PRAMEF11: variants seen among roughly 807,000 people sequenced by gnomAD.
PRAMEF11 encodes the protein PRAME family member 11.
In PRAMEF11, 17 loss-of-function variants were observed where a neutral mutation model predicts 33.6. The ratio of observed to expected loss-of-function variants is 0.51; its 90% CI spans 0.35 to 0.76. The LOEUF (loss-of-function observed/expected upper bound fraction) is 0.76. Ranked by LOEUF, PRAMEF11 falls within the 30% of genes least tolerant of loss-of-function variation. PRAMEF11 has a pLI of 0.01. For synonymous variants in PRAMEF11, 205 were observed against 227.3 expected (o/e 0.90, Z 0.88); for missense variants, 568 against 567.0 (o/e 1.00, Z -0.02).
intron 1 of PRAMEF11, among the ~76,000 whole-genome samples, chr1:12,830,862 G>A (rs1406834652): frequency 1.3e-5 from 2 of 150,546 alleles, no homozygotes; most frequent in Non-Finnish European, 3.0e-5. Context: ...GGTTTCAGAT[G>A]TCTGTGACAC....
At chr1:12,829,700 G>T (rs986838867) in intron 1 of PRAMEF11, among the ~76,000 whole-genome samples, 1 of 151,248 alleles carries the variant, frequency 6.6e-6, no homozygotes, top group Non-Finnish European at 1.5e-5. Flanking sequence ...GTGAGCCTCC[G>T]CCCCAGCCTC....
At position 12,827,267 on chromosome 1, in the gene PRAMEF11, T is replaced by C. The variant is rs768125376; in HGVS notation, c.857A>G (p.His286Arg). 6.3e-6 allele frequency: 10 copies of C among 1,597,728 alleles called. No homozygotes were observed. The South Asian group carries it at 9.9e-5, about 16-fold the overall frequency. ...YMNSVSFLEG[H>R]LDQLLSCLKT... ...CCCTCACCTGAGCAGCTGGTCCAGG[T>C]GGCCTTCGAGGAAAGAAACAGAGTT... is the stretch of plus-strand genomic sequence containing the variant. The change falls in exon 3 of 4, where the codon CAC becomes CGC. Residue 286 changes from histidine (H) to arginine (R), a missense_variant. By Grantham distance (29) the His-to-Arg change is conservative. This residue lies in a region of PRAMEF11 where 52 missense variants were observed against 127.8 expected (regional missense o/e 0.41). Coordinates refer to ENST00000619922, the MANE Select transcript of PRAMEF11 (RefSeq NM_001146344.3).
intron 1 of PRAMEF11, among the ~76,000 whole-genome samples, chr1:12,829,763 A>T (rs1736820): frequency 1.3e-5 from 2 of 150,312 alleles, no homozygotes; most frequent in East Asian, 4.0e-4. Context: ...GTCCAAGCTA[A>T]TAGGGAGGCT....
Position 12,828,761 on chromosome 1 carries a change from C to G in PRAMEF11, c.29G>C (p.Arg10Thr). The G allele has an allele frequency of 6.2e-7, 1 of 1,609,916 alleles. No individual in the cohort carries two copies. The highest frequency in any genetic ancestry group is 8.5e-7 in the Non-Finnish European group (1 of 1,178,058). ...GCTCCGCCCCGCAAGCTCCAGGAGT[C>G]TGGGTGGAATCCGGATGCTCATCTT... MKMSIRIPP[R>T]LLELAGRSLL... Residue 10 changes from arginine (R) to threonine (T), a missense_variant, in exon 2 of 4, where the codon AGA (arginine) becomes ACA (threonine). Arg to Thr is a moderately conservative substitution (Grantham distance 71). Transcript: ENST00000619922.
In PRAMEF11 at chr1:12,828,642, G is replaced by A. The variant is rs770702081; in HGVS notation, c.148C>T (p.Arg50Cys). Residue 50 changes from arginine (R) to cysteine (C), a missense_variant, in exon 2 of 4, where the codon CGC (arginine) becomes TGC (cysteine). Around this residue, in one of 3 missense-constraint regions of PRAMEF11, gnomAD observed 342 missense variants for 312.0 expected, o/e 1.10. Coordinates refer to ENST00000619922, the MANE Select transcript of PRAMEF11 (RefSeq NM_001146344.3). ...PLFMEAFSRR[R>C]CEALKLMVQA... Reference sequence around the variant, plus strand: ...ACCATCAGCTTCAGGGCCTCACAGCGTCTCCTGCTGAAGGCCTCCATGAAC... The same window carrying A: ...ACCATCAGCTTCAGGGCCTCACAGCATCTCCTGCTGAAGGCCTCCATGAAC... 5.2e-5 allele frequency: 83 copies of A among 1,610,288 alleles called. 3 individuals are homozygous for A. Among genetic ancestry groups the A allele is most frequent in the Middle Eastern group, 5.0e-4 (3 of 5,960 alleles).
At chr1:12,827,115 G>T in intron 3 of PRAMEF11, 134 bp downstream of exon 3, 5 of 1,550,296 alleles carry the variant, frequency 3.2e-6, no homozygotes, top group Non-Finnish European at 4.4e-6. Context: ...GCCGCCAACA[G>T]GACAATGCAT....
At position 12,828,403 on chromosome 1, in the gene PRAMEF11, C is replaced by T. The variant is rs527981700; in HGVS notation, c.293+94G>A. Reference sequence around the variant, plus strand: ...AGTCCTCTCGGCTTCCTCACCACCACCATCCCCCTTGGGCCTCCTCACTTC... The same window carrying T: ...AGTCCTCTCGGCTTCCTCACCACCATCATCCCCCTTGGGCCTCCTCACTTC... On this transcript the variant is annotated intron_variant, in intron 2 of 3. Coordinates refer to ENST00000619922, the MANE Select transcript of PRAMEF11 (RefSeq NM_001146344.3). The T allele has an allele frequency of 6.2e-5, 88 of 1,429,878 alleles. 2 individuals are homozygous for T. Among genetic ancestry groups the T allele is most frequent in the Non-Finnish European group, 7.7e-5 (81 of 1,050,760 alleles). 88.6% of individuals were successfully genotyped at this position (1,429,878 alleles called of 1,614,324 possible).
Position 12,825,206 on chromosome 1 carries a change from G to T in PRAMEF11, c.1173C>A (p.Pro391=). 6.2e-7 allele frequency: 1 copy of T among 1,607,886 alleles called. No homozygotes were observed. Among genetic ancestry groups the T allele is most frequent in the Non-Finnish European group, 8.5e-7 (1 of 1,177,624 alleles). Residue 391 remains proline (P), a synonymous_variant, in exon 4 of 4, where the codon CCC becomes CCA. Transcript: ENST00000619922. ...GGTTCTCCAGGGTGGCCATGCAGATGGGATTTCCACAGAAGCTGAAGGTGT... is the reference window on the plus strand; with the variant it reads ...GGTTCTCCAGGGTGGCCATGCAGATTGGATTTCCACAGAAGCTGAAGGTGT... ...ELNTFSFCGN[P]ICMATLENLL...
intron 3 of PRAMEF11, among the ~76,000 whole-genome samples, chr1:12,825,967 C>G (rs1362030817): frequency 2.4e-5 from 3 of 125,310 alleles, no homozygotes; most frequent in Non-Finnish European, 3.4e-5. Flanking sequence ...GAGTGATACT[C>G]TATTAAAAAA....
intron 3 of PRAMEF11, among the ~76,000 whole-genome samples, 194 bp from the exon 4 acceptor site, chr1:12,825,697 G>A (rs1356470734): frequency 4.8e-5 from 7 of 146,508 alleles, no homozygotes; most frequent in Non-Finnish European, 7.5e-5. Context: ...CTTTAGGCCC[G>A]GCCCAGTAAC....
chr1:12,828,732 G>A lies in PRAMEF11; in HGVS notation c.58C>T (p.Leu20=), dbSNP rs757486332. The A allele has an allele frequency of 3.4e-5, 54 of 1,610,106 alleles. 1 individual carries two copies. The highest frequency in any genetic ancestry group is 4.5e-5 in the Non-Finnish European group (53 of 1,178,064). Residue 20 remains leucine, a synonymous_variant, in exon 2 of 4, where the codon CTG becomes TTG. Transcript: ENST00000619922. ...RLLELAGRSL[L]RDQALAVSTL... The stretch of plus-strand genomic sequence containing the variant: ...GAGACGGCCAAGGCTTGGTCCCTCA[G>A]CAGGCTCCGCCCCGCAAGCTCCAGG...
rs748797072 is a variant in PRAMEF11 at position 12,825,052 on chromosome 1, T to C, written c.1327A>G (p.Lys443Glu). 6.2e-6 allele frequency: 10 copies of C among 1,609,812 alleles called. No individual in the cohort carries two copies. The highest frequency in any genetic ancestry group is 7.6e-6 in the Non-Finnish European group (9 of 1,177,752). The change falls in exon 4 of 4, where the codon AAA becomes GAA. Residue 443 changes from lysine to glutamate, a missense_variant. By Grantham distance (56) the Lys-to-Glu change is moderately conservative. Transcript: ENST00000619922. ...FAQIRAELMK[K>E]VRHLRHPKRI... ...TTGGGGTGCCTTAAGTGCCTCACTTTCTTCATCAGCTCAGCCCTAATTTGA... is the reference window on the plus strand; with the variant it reads ...TTGGGGTGCCTTAAGTGCCTCACTTCCTTCATCAGCTCAGCCCTAATTTGA...
intron 1 of PRAMEF11, among the ~76,000 whole-genome samples, chr1:12,830,417 A>G (rs1639980872): frequency 6.6e-6 from 1 of 151,310 alleles, no homozygotes; most frequent in African/African-American, 2.4e-5. Context: ...CCTTCCACGT[A>G]GCTGGGACTA....
chr1:12,824,843 G>C lies in PRAMEF11; in HGVS notation c.*99C>G. On this transcript the variant is annotated 3_prime_UTR_variant, in exon 4 of 4. Transcript: ENST00000619922. ...TTTCAGAGCCCATGTGTGAAACGAT[G>C]GGTTCTGTGCTCCCTTTAGGATGTA... 5 of 1,514,568 alleles carry C rather than the reference G, an allele frequency of 3.3e-6. No homozygotes were observed. Among genetic ancestry groups the C allele is most frequent in the Non-Finnish European group, 4.5e-6 (5 of 1,114,778 alleles). The allele number at this position is 1,514,568 out of a possible 1,614,324, so 93.8% of individuals were successfully genotyped here. A position where few individuals can be genotyped will look rare whatever the true frequency, so the allele number is the denominator to read the frequency against.
chr1:12,828,060 A>T (rs1215941687), intron 2 of PRAMEF11, among the ~76,000 whole-genome samples: 3 of 148,744 alleles, frequency 2.0e-5, no homozygotes, highest in African/African-American at 7.4e-5. Flanking sequence ...ATGTCACCTC[A>T]CTGCAACCTC....
At position 12,827,742 on chromosome 1, in the gene PRAMEF11, G is replaced by A. The variant is rs756276629; in HGVS notation, c.382C>T (p.Leu128Phe). 1.2e-6 allele frequency: 2 copies of A among 1,609,828 alleles called. No individual in the cohort carries two copies. Residue 128 changes from leucine (L) to phenylalanine (F), a missense_variant, in exon 3 of 4, where the codon CTC becomes TTC. Physicochemically the swap from Leu to Phe is conservative, Grantham distance 22 (BLOSUM62 0). This residue lies in a region of PRAMEF11 where 342 missense variants were observed against 312.0 expected (regional missense o/e 1.10). Coordinates refer to ENST00000619922, the MANE Select transcript of PRAMEF11 (RefSeq NM_001146344.3). ...WSEAMAHGCFLNAKRNKKPVQ... is the reference protein window; with the variant it reads ...WSEAMAHGCFFNAKRNKKPVQ... ...GGTTTTTTGTTCCTCTTGGCATTGA[G>A]GAAGCACCCATGGGCCATAGCTTCA...
In PRAMEF11 at chr1:12,828,728, C is replaced by A; in HGVS notation, c.62G>T (p.Arg21Met). The change falls in exon 2 of 4, where the codon AGG becomes ATG. Residue 21 changes from arginine (R) to methionine (M), a missense_variant. Physicochemically the swap from Arg to Met is moderately conservative, Grantham distance 91. Around this residue, in one of 3 missense-constraint regions of PRAMEF11, gnomAD observed 342 missense variants for 312.0 expected, o/e 1.10. Coordinates refer to ENST00000619922, the MANE Select transcript of PRAMEF11 (RefSeq NM_001146344.3). ...LLELAGRSLL[R>M]DQALAVSTLE... ...GGTGGAGACGGCCAAGGCTTGGTCC[C>A]TCAGCAGGCTCCGCCCCGCAAGCTC... 1 of 1,610,246 alleles carries A rather than the reference C, an allele frequency of 6.2e-7. No homozygotes were observed. Among genetic ancestry groups the A allele is most frequent in the Non-Finnish European group, 8.5e-7 (1 of 1,178,052 alleles).
intron 3 of PRAMEF11, among the ~76,000 whole-genome samples, 191 bp downstream of exon 3, chr1:12,827,058 C>T (rs1040427521): frequency 2.6e-5 from 4 of 151,158 alleles, no homozygotes; most frequent in African/African-American, 7.3e-5. Flanking sequence ...CTGACTGATC[C>T]CTCTGACTCT....
In PRAMEF11 at chr1:12,830,605, A is replaced by G. The variant is rs2100349084; in HGVS notation, c.-17+751T>C. Among the ~76,000 whole-genome samples the G allele has an allele frequency of 2.6e-5, 4 of 150,996 alleles. No individual in the cohort carries two copies. The South Asian group carries it at 8.6e-4, about 33-fold the overall frequency. ...ATGAGCATGGCTCACTGCAGCCTCA[A>G]TCTTCTGGGCTCAAGTGATTCTCCC... On this transcript the variant is annotated intron_variant, in intron 1 of 3. Transcript: ENST00000619922.
Sources: allele counts gnomAD v4.1 joint callset (sites outside exome capture counted in the v4.1 genomes callset), GRCh38; gene constraint gnomAD v4.1.1; regional missense constraint gnomAD v4.1.1; transcripts MANE v1.5; gene names NCBI Gene and HGNC (gene_info 2026-07-23, HGNC 2026-07-21).